Variants in ITGA6 observed in about 807,000 individuals in gnomAD.
ITGA6 encodes the protein integrin subunit alpha 6.
In ITGA6, 63 loss-of-function variants were observed where a neutral mutation model predicts 133.6. The ratio of observed to expected loss-of-function variants is 0.47; its 90% CI spans 0.38 to 0.58. ITGA6 has a LOEUF of 0.58. Among genes scored for constraint, ITGA6 ranks in the 20% least tolerant of loss-of-function variants. The pLI is 0.00. For synonymous variants in ITGA6, 434 were observed against 482.0 expected, an observed-to-expected ratio of 0.90 and a Z score of 1.30; for missense variants, 1,068 against 1,309.4, an observed-to-expected ratio of 0.82 and a Z score of 2.85.
At chr2:172,458,632 T>A (rs1685309112) in intron 1 of ITGA6, among the ~76,000 whole-genome samples, 1 of 152,138 alleles carries the variant, frequency 6.6e-6, no homozygotes, top group Admixed American at 6.5e-5. Flanking sequence ...CTTTCAGAAT[T>A]CCTGCTCAGG....
intron 1 of ITGA6, among the ~76,000 whole-genome samples, chr2:172,437,705 A>G (rs889231877): frequency 6.6e-6 from 1 of 152,204 alleles, no homozygotes; most frequent in Non-Finnish European, 1.5e-5. Context: ...ATGCAAGTAG[A>G]GGAGCCTCTA....
At chr2:172,429,751 A>G (rs866537283) in intron 1 of ITGA6, among the ~76,000 whole-genome samples, 3 of 152,210 alleles carry the variant, frequency 2.0e-5, no homozygotes, top group Non-Finnish European at 4.4e-5. Context: ...CAGCTGACAG[A>G]GGGGAGAGGC....
chr2:172,448,733 G>T (rs1684868847), intron 1 of ITGA6, among the ~76,000 whole-genome samples: 1 of 152,192 alleles, frequency 6.6e-6, no homozygotes, highest in Non-Finnish European at 1.5e-5. Flanking sequence ...TTCCGGGCTG[G>T]ATTTGTTCCA....
chr2:172,479,771 C>G (rs765420715), intron 10 of ITGA6, 32 bp downstream of exon 10: 2 of 1,559,942 alleles, frequency 1.3e-6, no homozygotes, highest in Non-Finnish European at 1.8e-6. Context: ...TGGGATCCCC[C>G]TCAGTTTCCC....
At position 172,485,074 on chromosome 2, in the gene ITGA6, A is replaced by G. The variant is rs1213210608; in HGVS notation, c.1711-47A>G. ...AAAATCATTGTTTTGGAATTCCCCA[A>G]TAGCATGTACACCCCACTTAACTCT... On this transcript the variant is annotated intron_variant, in intron 12 of 25. Coordinates refer to ENST00000684293, the MANE Select transcript of ITGA6 (RefSeq NM_000210.4). 2 of 1,608,572 alleles carry G rather than the reference A, an allele frequency of 1.2e-6. No homozygotes were observed. The highest frequency in any genetic ancestry group is 1.7e-5 in the Admixed American group (1 of 60,028).
chr2:172,433,552 G>A (rs1251441977), intron 1 of ITGA6, among the ~76,000 whole-genome samples: 1 of 152,164 alleles, frequency 6.6e-6, no homozygotes, highest in African/African-American at 2.4e-5. Context: ...GAATAGTCCT[G>A]GTCCAGAGTG....
intron 11 of ITGA6, among the ~76,000 whole-genome samples, chr2:172,480,363 T>C (rs1686381925): frequency 6.6e-6 from 1 of 151,606 alleles, no homozygotes; most frequent in Admixed American, 6.6e-5. Flanking sequence ...TGTGGAAAAT[T>C]GATTTTGTGG....
chr2:172,427,534 C>A (rs1482322358), upstream of ITGA6: 1 of 333,910 alleles, frequency 3.0e-6, no homozygotes, highest in Non-Finnish European at 4.8e-6. Context: ...TGGGGAGGGG[C>A]GGGGCCGGCG....
intron 3 of ITGA6, 53 bp downstream of exon 3, chr2:172,467,613 C>A: frequency 7.2e-7 from 1 of 1,389,758 alleles, no homozygotes; most frequent in Non-Finnish European, 1.0e-6. Context: ...TGGTTATGTG[C>A]CAGCACCAGG....
At chr2:172,486,176 C>CAAAAA (rs67271824) in intron 13 of ITGA6, among the ~76,000 whole-genome samples, 3,741 of 76,984 alleles carry the variant, frequency 0.049, 217 homozygotes, top group East Asian at 0.33. Flanking sequence ...ACTCTATCTC[C>CAAAAA]AAAAAAAAAA....
intron 1 of ITGA6, among the ~76,000 whole-genome samples, chr2:172,432,457 T>C (rs1559110549): frequency 6.6e-6 from 1 of 152,230 alleles, no homozygotes; most frequent in Non-Finnish European, 1.5e-5. Flanking sequence ...GCAAATACAA[T>C]AGAGACTGAT....
intron 1 of ITGA6, among the ~76,000 whole-genome samples, chr2:172,436,838 G>T (rs1352041567): frequency 2.0e-5 from 3 of 152,172 alleles, no homozygotes; most frequent in Non-Finnish European, 4.4e-5. Context: ...TCTGATCGGG[G>T]AGACAAACCA....
intron 1 of ITGA6, among the ~76,000 whole-genome samples, chr2:172,460,432 T>C (rs545478729): frequency 3.3e-5 from 5 of 152,158 alleles, no homozygotes; most frequent in South Asian, 2.1e-4. Context: ...GAGTAGCAAA[T>C]AGAGGAACTA....
chr2:172,488,454 G>C (rs1044772718), intron 19 of ITGA6, among the ~76,000 whole-genome samples: 2 of 152,314 alleles, frequency 1.3e-5, no homozygotes, highest in Admixed American at 6.5e-5. Flanking sequence ...GTTCAGTTTA[G>C]AATGCGTTAT....
chr2:172,455,402 C>A (rs1203995137), intron 1 of ITGA6, among the ~76,000 whole-genome samples: 2 of 152,146 alleles, frequency 1.3e-5, no homozygotes, highest in East Asian at 3.8e-4. Context: ...CTTGGGATAA[C>A]TGCTGGGTGA....
At chr2:172,455,779 A>G (rs903503606) in intron 1 of ITGA6, among the ~76,000 whole-genome samples, 5 of 152,220 alleles carry the variant, frequency 3.3e-5, no homozygotes, top group African/African-American at 4.8e-5. Context: ...AGATCTCCAA[A>G]TCAGTCACCA....
chr2:172,494,523 A>G (rs1435626261), intron 23 of ITGA6, among the ~76,000 whole-genome samples: 2 of 152,184 alleles, frequency 1.3e-5, no homozygotes, highest in East Asian at 3.9e-4. Flanking sequence ...AAACAATAAA[A>G]AACACTTCTA....
intron 3 of ITGA6, 132 bp from the exon 4 acceptor site, chr2:172,468,993 G>A (rs1685800462): frequency 1.0e-6 from 1 of 968,710 alleles, no homozygotes; most frequent in Non-Finnish European, 1.6e-6. Flanking sequence ...CTGGGATCCG[G>A]TCCCAAGATG....
intron 1 of ITGA6, among the ~76,000 whole-genome samples, chr2:172,462,022 G>A (rs1265779484): frequency 2.6e-5 from 4 of 152,336 alleles, no homozygotes; most frequent in Non-Finnish European, 5.9e-5. Flanking sequence ...GGTTCCAGGC[G>A]AATTAAGAGC....
Sources: gnomAD v4.1 joint callset for allele counts (sites outside exome capture counted in the v4.1 genomes callset) on GRCh38, gnomAD v4.1.1 for gene constraint, MANE v1.5 for transcripts, NCBI Gene and HGNC (gene_info 2026-07-23, HGNC 2026-07-21) for gene names.